The following NCKAP5 variants were observed in gnomAD, a reference collection of about 807,000 sequenced individuals.
The protein encoded by NCKAP5 is nck-associated protein 5.
Under a neutral mutation model 167.0 loss-of-function variants are expected in NCKAP5, and 92 were observed. The ratio of observed to expected loss-of-function variants is 0.55; its 90% CI spans 0.47 to 0.66. The LOEUF (loss-of-function observed/expected upper bound fraction) is 0.66, where lower values mean the gene tolerates loss of function less well. Among genes scored for constraint, NCKAP5 ranks in the 30% least tolerant of loss-of-function variants. The pLI is 0.00. For synonymous variants in NCKAP5, 891 were observed against 877.4 expected (o/e 1.02, Z -0.27); for missense variants, 2,378 against 2,315.0 (o/e 1.03, Z -0.56).
intron 3 of NCKAP5, among the ~76,000 whole-genome samples, chr2:133,333,079 CTGAATTTTCCTTTAA>C (rs1160233660): frequency 6.6e-6 from 1 of 152,228 alleles, no homozygotes; most frequent in Non-Finnish European, 1.5e-5. Flanking sequence ...CTTGTTTGCT[CTGAATTTTCCTTTAA>C]TGTTTACTGG....
intron 6 of NCKAP5, among the ~76,000 whole-genome samples, chr2:133,000,522 G>A (rs1243643309): frequency 6.6e-6 from 1 of 152,160 alleles, no homozygotes; most frequent in Non-Finnish European, 1.5e-5. Context: ...CATATTGGAT[G>A]CCTATGTAGT....
intron 1 of NCKAP5, among the ~76,000 whole-genome samples, chr2:133,560,200 C>T (rs1185366967): frequency 1.3e-5 from 2 of 152,066 alleles, no homozygotes; most frequent in African/African-American, 4.8e-5. Context: ...TGAATATTTT[C>T]GTAAGTATAA....
At chr2:133,095,501 T>C (rs377738943) in intron 6 of NCKAP5, among the ~76,000 whole-genome samples, 4 of 152,320 alleles carry the variant, frequency 2.6e-5, no homozygotes, top group Admixed American at 1.3e-4. Flanking sequence ...CCTTTTGAGA[T>C]TGAAGAAGCA....
At chr2:133,332,340 C>T (rs1259161716) in intron 3 of NCKAP5, among the ~76,000 whole-genome samples, 1 of 152,140 alleles carries the variant, frequency 6.6e-6, no homozygotes, top group Admixed American at 6.5e-5. Flanking sequence ...CAGAATCCAA[C>T]ACTCCAATGC....
At chr2:133,559,671 A>G (rs1688020761) in intron 1 of NCKAP5, among the ~76,000 whole-genome samples, 1 of 152,172 alleles carries the variant, frequency 6.6e-6, no homozygotes, top group Admixed American at 6.5e-5. Flanking sequence ...TGACAAGGTT[A>G]AATAACTTGC....
the NCKAP5 span, among the ~76,000 whole-genome samples, chr2:133,655,653 G>C: frequency 6.6e-6 from 1 of 152,190 alleles, no homozygotes; most frequent in Non-Finnish European, 1.5e-5. Context: ...GGTACTAGGA[G>C]GGACCTTAAG....
At chr2:133,086,302 C>T (rs2080988015) in intron 6 of NCKAP5, among the ~76,000 whole-genome samples, 1 of 152,136 alleles carries the variant, frequency 6.6e-6, no homozygotes, top group Non-Finnish European at 1.5e-5. Context: ...ATCTGATGCC[C>T]AGCTCTATTC....
the NCKAP5 span, among the ~76,000 whole-genome samples, chr2:133,605,749 C>T: frequency 6.6e-6 from 1 of 152,124 alleles, no homozygotes; most frequent in Non-Finnish European, 1.5e-5. Context: ...CATCTTATTC[C>T]TTGAAAAAAC....
At chr2:133,593,951 G>A in the NCKAP5 span, among the ~76,000 whole-genome samples, 7 of 152,312 alleles carry the variant, frequency 4.6e-5, no homozygotes, top group East Asian at 3.9e-4. Flanking sequence ...GGTCCCCTCC[G>A]AAGAGCCCAA....
At chr2:133,653,832 C>T in the NCKAP5 span, among the ~76,000 whole-genome samples, 1 of 152,100 alleles carries the variant, frequency 6.6e-6, no homozygotes, top group Non-Finnish European at 1.5e-5. Flanking sequence ...CGGAGAAAAA[C>T]AGAAATCAAA....
rs576354199 is a variant in NCKAP5, at chr2:132,830,193, C to T, written c.807+30299G>A. On this transcript the variant is annotated intron_variant, in intron 11 of 19. Transcript: ENST00000409261. ...TTATTGAAAACAAATCATTCTCATGCTAGTCTTTCCAGCTCCTTTCCAATT... is the reference window on the plus strand; with the variant it reads ...TTATTGAAAACAAATCATTCTCATGTTAGTCTTTCCAGCTCCTTTCCAATT... Among the ~76,000 whole-genome samples the T allele has an allele frequency of 7.2e-5, 11 of 152,276 alleles. No homozygotes were observed. The East Asian group carries it at 2.1e-3, about 29-fold the overall frequency.
chr2:132,978,808 G>A (rs1324640654), intron 7 of NCKAP5, among the ~76,000 whole-genome samples: 2 of 152,178 alleles, frequency 1.3e-5, no homozygotes, highest in Non-Finnish European at 1.5e-5. Context: ...TCACTTTATA[G>A]ACTTCTGCCC....
intron 19 of NCKAP5, among the ~76,000 whole-genome samples, chr2:132,687,362 G>T (rs1406223143): frequency 6.6e-6 from 1 of 152,168 alleles, no homozygotes; most frequent in African/African-American, 2.4e-5. Context: ...TCTGGCACCA[G>T]CTACCAGAGG....
chr2:133,207,671 C>A (rs1472949385), intron 5 of NCKAP5, among the ~76,000 whole-genome samples: 1 of 150,806 alleles, frequency 6.6e-6, no homozygotes, highest in East Asian at 1.9e-4. Flanking sequence ...ACAACAACAA[C>A]AACAAAAAAC....
intron 8 of NCKAP5, among the ~76,000 whole-genome samples, chr2:132,892,178 A>T (rs904143328): frequency 6.6e-6 from 1 of 152,216 alleles, no homozygotes; most frequent in African/African-American, 2.4e-5. Context: ...TCACATACAG[A>T]TTAGCGTCAG....
At chr2:133,110,804 T>C (rs547850604) in intron 6 of NCKAP5, among the ~76,000 whole-genome samples, 4 of 152,244 alleles carry the variant, frequency 2.6e-5, no homozygotes, top group Non-Finnish European at 4.4e-5. Flanking sequence ...TACCACAGAC[T>C]GGGGGGCTTC....
chr2:133,119,980 G>T (rs900007648), intron 6 of NCKAP5, among the ~76,000 whole-genome samples: 1 of 152,078 alleles, frequency 6.6e-6, no homozygotes, highest in African/African-American at 2.4e-5. Flanking sequence ...AAAAAGTACT[G>T]TCATTTCTGT....
chr2:133,524,656 T>C (rs1361061996), intron 2 of NCKAP5, among the ~76,000 whole-genome samples: 3 of 152,170 alleles, frequency 2.0e-5, no homozygotes, highest in Non-Finnish European at 2.9e-5. Flanking sequence ...AGCTCTCTTT[T>C]CAAAGTGCTA....
chr2:132,677,351 G>A (rs913637793), intron 19 of NCKAP5, among the ~76,000 whole-genome samples: 1 of 152,118 alleles, frequency 6.6e-6, no homozygotes, highest in African/African-American at 2.4e-5. Flanking sequence ...AATTATTAGT[G>A]ATAATTCAAG....
Sources: gnomAD v4.1 joint callset for allele counts (sites outside exome capture counted in the v4.1 genomes callset) on GRCh38, gnomAD v4.1.1 for gene constraint, MANE v1.5 for transcripts, NCBI Gene and HGNC (gene_info 2026-07-23, HGNC 2026-07-21) for gene names.